The following WDR76 variants were observed in gnomAD, a reference collection of about 807,000 sequenced individuals.
The protein encoded by WDR76 is WD repeat domain 76, also known as WD repeat-containing protein 76.
In WDR76, 52 loss-of-function variants were observed where a neutral mutation model predicts 70.2. The ratio of observed to expected loss-of-function variants is 0.74; its 90% CI spans 0.59 to 0.93. The LOEUF is 0.93. Ranked by LOEUF, WDR76 falls within the 40% of genes least tolerant of loss-of-function variation. The pLI is 0.00. For missense variants in WDR76, 756 were observed against 760.2 expected, an observed-to-expected ratio of 0.99 and a Z score of 0.07; for synonymous variants, 292 against 271.1, an observed-to-expected ratio of 1.08 and a Z score of -0.76.
chr15:43,832,661 G>A (rs1384823511), intron 2 of WDR76, among the ~76,000 whole-genome samples: 1 of 150,326 alleles, frequency 6.7e-6, no homozygotes, highest in Admixed American at 6.7e-5. Flanking sequence ...GGCTAGGCTG[G>A]TCTCGAACTC....
intron 9 of WDR76, among the ~76,000 whole-genome samples, chr15:43,855,078 C>T (rs1309926152): frequency 1.3e-5 from 2 of 152,138 alleles, no homozygotes; most frequent in Non-Finnish European, 2.9e-5. Flanking sequence ...ATAGTTTTGC[C>T]TTTTTCTGAA....
At chr15:43,829,995 T>G (rs934495497) in intron 2 of WDR76, among the ~76,000 whole-genome samples, 1 of 151,726 alleles carries the variant, frequency 6.6e-6, no homozygotes, top group African/African-American at 2.4e-5. Flanking sequence ...ATCTTTTTTC[T>G]TTTTCTTTCT....
chr15:43,829,727 C>T (rs1042966995), intron 2 of WDR76, among the ~76,000 whole-genome samples: 9 of 151,724 alleles, frequency 5.9e-5, no homozygotes, highest in African/African-American at 1.5e-4. Context: ...AGGATGGTCT[C>T]GATCTCCTGA....
rs60804401 is a variant in WDR76, at chr15:43,867,557, A to AATATAT, written c.*1178_*1183dup. The AATATAT allele has an allele frequency of 6.8e-5, 10 of 147,310 alleles. No individual in the cohort carries two copies. The highest frequency in any genetic ancestry group is 2.0e-4 in the African/African-American group (8 of 40,246). The allele number at this position is 147,310 out of a possible 1,614,324, so 9.1% of individuals were successfully genotyped here. A position where few individuals can be genotyped will look rare whatever the true frequency, so the allele number is the denominator to read the frequency against. On this transcript the variant is annotated 3_prime_UTR_variant, in exon 13 of 13. Coordinates refer to ENST00000263795, the MANE Select transcript of WDR76 (RefSeq NM_024908.4). ...TATGTTTATGTGTATTCTGATGTAA[A>AATATAT]ATATATATATATATATATTTTATTA...
chr15:43,837,014 T>C (rs2087664537), intron 4 of WDR76, among the ~76,000 whole-genome samples: 1 of 144,548 alleles, frequency 6.9e-6, no homozygotes, highest in Admixed American at 7.2e-5. Context: ...CACTCCAGCC[T>C]GGGCAATAAG....
At chr15:43,863,440 G>C (rs1222581561) in intron 12 of WDR76, among the ~76,000 whole-genome samples, 4 of 151,592 alleles carry the variant, frequency 2.6e-5, no homozygotes, top group Non-Finnish European at 5.9e-5. Context: ...TAGTCATCCT[G>C]ATGTACAATA....
chr15:43,836,643 A>G (rs1248433653), intron 4 of WDR76, among the ~76,000 whole-genome samples: 1 of 152,192 alleles, frequency 6.6e-6, no homozygotes, highest in Non-Finnish European at 1.5e-5. Flanking sequence ...GCAGTGATCT[A>G]GCAATTTTGT....
chr15:43,862,565 G>A (rs2140314250), intron 12 of WDR76, among the ~76,000 whole-genome samples: 1 of 148,468 alleles, frequency 6.7e-6, no homozygotes, highest in East Asian at 2.0e-4. Flanking sequence ...CTGGAGTGCA[G>A]GCTCGCGATC....
At chr15:43,854,666 G>C (rs895896410) in intron 9 of WDR76, among the ~76,000 whole-genome samples, 5 of 151,700 alleles carry the variant, frequency 3.3e-5, no homozygotes, top group African/African-American at 1.2e-4. Context: ...TCAAGATATA[G>C]AGCTGGGCGC....
chr15:43,835,178 G>A, intron 3 of WDR76, 28 bp downstream of exon 3: 1 of 1,606,048 alleles, frequency 6.2e-7, no homozygotes. Flanking sequence ...TTAAAAGCAA[G>A]ATGCAGGGCC....
chr15:43,840,218 T>A (rs551215096), intron 5 of WDR76, among the ~76,000 whole-genome samples: 91 of 152,238 alleles, frequency 6.0e-4, no homozygotes, highest in Non-Finnish European at 1.0e-3. Flanking sequence ...GGATTCTGTA[T>A]TTCTGCAGGA....
chr15:43,844,795 G>A (rs2087766966), intron 8 of WDR76, among the ~76,000 whole-genome samples: 1 of 150,570 alleles, frequency 6.6e-6, no homozygotes, highest in African/African-American at 2.4e-5. Flanking sequence ...AGGCGTGGTG[G>A]CAGGTGCCTG....
At chr15:43,860,595 C>T (rs550662416) in intron 11 of WDR76, among the ~76,000 whole-genome samples, 5 of 151,908 alleles carry the variant, frequency 3.3e-5, no homozygotes, top group Non-Finnish European at 4.4e-5. Flanking sequence ...AGCCAACTTA[C>T]GGGCTCTAGC....
rs1315391035 is a variant in WDR76 at position 43,839,676 on chromosome 15, G to T, written c.680G>T (p.Gly227Val). The change falls in exon 5 of 13, where the codon GGA becomes GTA. Residue 227 changes from glycine (G) to valine (V), a missense_variant. Coordinates refer to ENST00000263795, the MANE Select transcript of WDR76 (RefSeq NM_024908.4). ...SMRLLKVDPSGVSLPAAPTPP... is the reference protein window; with the variant it reads ...SMRLLKVDPSVVSLPAAPTPP... ...CGATTACTAAAAGTTGATCCTTCGG[G>T]AGTTTCATTACCAGCAGCTCCAACA... 1.9e-6 allele frequency: 3 copies of T among 1,612,546 alleles called. No individual in the cohort carries two copies. The highest frequency in any genetic ancestry group is 2.5e-6 in the Non-Finnish European group (3 of 1,178,994).
intron 2 of WDR76, among the ~76,000 whole-genome samples, chr15:43,829,353 ATAC>A (rs1351639568): frequency 6.6e-6 from 1 of 152,090 alleles, no homozygotes; most frequent in Non-Finnish European, 1.5e-5. Flanking sequence ...GGAAAGGGAG[ATAC>A]TATAATTGAA....
chr15:43,852,312 T>G (rs2087869877), intron 9 of WDR76, among the ~76,000 whole-genome samples: 1 of 151,976 alleles, frequency 6.6e-6, no homozygotes, highest in Admixed American at 6.6e-5. Context: ...GCCTCCTGAG[T>G]AGCAGGGATT....
At chr15:43,831,747 C>G (rs7179388) in intron 2 of WDR76, among the ~76,000 whole-genome samples, 21,092 of 151,784 alleles carry the variant, frequency 0.14, 1,793 homozygotes, top group East Asian at 0.26. Flanking sequence ...CCATGTCTTT[C>G]TTTCTTGGTT....
chr15:43,857,014 A>G lies in WDR76; in HGVS notation c.1260A>G (p.Ile420Met), dbSNP rs2140311161. The G allele has an allele frequency of 6.2e-7, 1 of 1,614,128 alleles. No homozygotes were observed. The highest frequency in any genetic ancestry group is 2.2e-5 in the East Asian group (1 of 44,864). The change falls in exon 10 of 13, where the codon ATA (isoleucine) becomes ATG (methionine). Residue 420 changes from isoleucine to methionine, a missense_variant. By Grantham distance (10) the Ile-to-Met change is conservative. Coordinates refer to ENST00000263795, the MANE Select transcript of WDR76 (RefSeq NM_024908.4). Reference sequence around the variant, plus strand: ...TGGCAGAAGATGCCTCCACTTTAATAGTAGGACACTGGGATGGAAATATGT... The same window carrying G: ...TGGCAGAAGATGCCTCCACTTTAATGGTAGGACACTGGGATGGAAATATGT... ...DFLAEDASTLIVGHWDGNMSL... is the reference protein window; with the variant it reads ...DFLAEDASTLMVGHWDGNMSL...
chr15:43,852,351 T>TTTGTTG (rs971913329), intron 9 of WDR76, among the ~76,000 whole-genome samples: 9 of 151,192 alleles, frequency 6.0e-5, no homozygotes, highest in South Asian at 2.1e-4. Context: ...GCCCGGGTAA[T>TTTGTTG]TTGTTGTTGT....
Sources: gnomAD v4.1 joint callset for allele counts (sites outside exome capture counted in the v4.1 genomes callset) on GRCh38, gnomAD v4.1.1 for gene constraint, MANE v1.5 for transcripts, NCBI Gene and HGNC (gene_info 2026-07-23, HGNC 2026-07-21) for gene names.